The following TXK variants were observed in gnomAD, a reference collection of about 807,000 sequenced individuals.
TXK encodes tyrosine-protein kinase TXK.
TXK carries 60 observed loss-of-function variants against 81.0 expected under a neutral mutation model. The observed-to-expected ratio is 0.74, with a 90% confidence interval of 0.60 to 0.92. TXK has a LOEUF of 0.92. Ranked by LOEUF, TXK falls within the 40% of genes least tolerant of loss-of-function variation. TXK has a pLI of 0.00. For missense variants in TXK, 581 were observed against 638.3 expected, an observed-to-expected ratio of 0.91 and a Z score of 0.97; for synonymous variants, 203 against 210.7, an observed-to-expected ratio of 0.96 and a Z score of 0.32.
Position 48,080,147 on chromosome 4 carries a change from C to G in TXK, c.957-19G>C. On this transcript the variant is annotated intron_variant, in intron 10 of 14. Coordinates refer to ENST00000264316, the MANE Select transcript of TXK (RefSeq NM_003328.3). ...TAATTTCCTGGTGAAGAAAAACATA[C>G]ACCAGTGAGCAGAATTGTGTTTGCA... is the stretch of plus-strand genomic sequence containing the variant. 1 of 1,570,218 alleles carries G rather than the reference C, an allele frequency of 6.4e-7. No homozygotes were observed. Among genetic ancestry groups the G allele is most frequent in the Non-Finnish European group, 8.8e-7 (1 of 1,140,198 alleles).
At chr4:48,127,084 T>G (rs1719108020) in intron 1 of TXK, among the ~76,000 whole-genome samples, 1 of 152,318 alleles carries the variant, frequency 6.6e-6, no homozygotes, top group Non-Finnish European at 1.5e-5. Context: ...TTTATTTAAT[T>G]TCCCTCAAAG....
intron 1 of TXK, among the ~76,000 whole-genome samples, chr4:48,129,386 A>C (rs1719181567): frequency 6.6e-6 from 1 of 152,138 alleles, no homozygotes; most frequent in South Asian, 2.1e-4. Flanking sequence ...AGAAGGGAGG[A>C]TAACTACTTT....
intron 1 of TXK, among the ~76,000 whole-genome samples, chr4:48,125,041 T>C (rs1397285044): frequency 1.3e-5 from 2 of 152,222 alleles, no homozygotes; most frequent in Non-Finnish European, 2.9e-5. Context: ...ATGCCAGGCA[T>C]GACAGATACT....
At chr4:48,090,970 G>A (rs1003742917) in intron 8 of TXK, among the ~76,000 whole-genome samples, 1 of 152,198 alleles carries the variant, frequency 6.6e-6, no homozygotes, top group Non-Finnish European at 1.5e-5. Flanking sequence ...CACATATTAA[G>A]TGCCTATTGT....
rs1206527163 is a variant in TXK, at chr4:48,067,677, T to C, written c.1544A>G (p.Glu515Gly). ...EKPEGRPTFA[E>G]LLRAVTEIAE... ...AATCTCTGTGACAGCCCGCAGCAGC[T>C]CGGCAAATGTAGGGCGGCCTTCAGG... Residue 515 changes from glutamate (E) to glycine (G), a missense_variant, in exon 15 of 15, where the codon GAG becomes GGG. Coordinates refer to ENST00000264316, the MANE Select transcript of TXK (RefSeq NM_003328.3). 1 of 1,614,102 alleles carries C rather than the reference T, an allele frequency of 6.2e-7. No individual in the cohort carries two copies.
At chr4:48,111,114 G>A (rs1446405734) in intron 4 of TXK, among the ~76,000 whole-genome samples, 1 of 152,164 alleles carries the variant, frequency 6.6e-6, no homozygotes, top group Non-Finnish European at 1.5e-5. Context: ...ACATCTTTCA[G>A]GATATGCAAC....
chr4:48,091,659 C>T (rs1193799396), intron 8 of TXK, among the ~76,000 whole-genome samples: 2 of 152,154 alleles, frequency 1.3e-5, no homozygotes, highest in Non-Finnish European at 2.9e-5. Flanking sequence ...GCATGCGCCA[C>T]CATGACTGGA....
At chr4:48,080,311 CAA>C (rs1426870409) in intron 10 of TXK, 183 bp from the exon 11 acceptor site, 1 of 601,266 alleles carries the variant, frequency 1.7e-6, no homozygotes, top group Non-Finnish European at 3.0e-6. Context: ...AATGTGGGGT[CAA>C]GAGTTTAAGT....
rs1718744228 is a variant in TXK at position 48,114,660 on chromosome 4, A to G, written c.17-258T>C. ...TTCCTCAGTCTGTGAGTGATAAATGACCAGTGTATTCTCTTTTACCTTTGT... is the reference window on the plus strand; with the variant it reads ...TTCCTCAGTCTGTGAGTGATAAATGGCCAGTGTATTCTCTTTTACCTTTGT... On this transcript the variant is annotated intron_variant, in intron 1 of 14. Coordinates refer to ENST00000264316, the MANE Select transcript of TXK (RefSeq NM_003328.3). 6.3e-6 allele frequency: 3 copies of G among 474,652 alleles called. No homozygotes were observed. The South Asian group carries it at 8.2e-5, about 13-fold the overall frequency. 29.4% of individuals were successfully genotyped at this position (474,652 alleles called of 1,614,324 possible). A position where few individuals can be genotyped will look rare whatever the true frequency, so the allele number is the denominator to read the frequency against.
At chr4:48,112,671 A>C (rs1329144189) in intron 3 of TXK, among the ~76,000 whole-genome samples, 159 bp from the exon 4 acceptor site, 1 of 152,206 alleles carries the variant, frequency 6.6e-6, no homozygotes, top group African/African-American at 2.4e-5. Context: ...ACTAACTATA[A>C]AACTCCTTTA....
At chr4:48,091,113 A>C (rs1242547374) in intron 8 of TXK, among the ~76,000 whole-genome samples, 2 of 152,230 alleles carry the variant, frequency 1.3e-5, no homozygotes. Flanking sequence ...TCTAATGTGA[A>C]AGGAATAAGT....
At chr4:48,083,026 A>C (rs1469192229) in intron 10 of TXK, among the ~76,000 whole-genome samples, 1 of 152,252 alleles carries the variant, frequency 6.6e-6, no homozygotes, top group African/African-American at 2.4e-5. Context: ...CAAGAGCTTG[A>C]GATACAGAAA....
chr4:48,071,176 A>G (rs1242180697), intron 14 of TXK, among the ~76,000 whole-genome samples: 1 of 152,162 alleles, frequency 6.6e-6, no homozygotes, highest in African/African-American at 2.4e-5. Flanking sequence ...CTGAGATTAC[A>G]GGCATGAGTC....
intron 14 of TXK, among the ~76,000 whole-genome samples, 190 bp downstream of exon 14, chr4:48,071,327 T>C (rs1716844449): frequency 6.6e-6 from 1 of 152,174 alleles, no homozygotes; most frequent in Non-Finnish European, 1.5e-5. Context: ...TAAAAGGCCA[T>C]TGTTCAAAAC....
Position 48,080,069 on chromosome 4 carries a change from A to AG in TXK, c.1015dup (p.Leu339ProfsTer15), listed in dbSNP as rs1560342096. 4.3e-6 allele frequency: 7 copies of AG among 1,614,090 alleles called. No individual in the cohort carries two copies. Among genetic ancestry groups the AG allele is most frequent in the Non-Finnish European group, 5.9e-6 (7 of 1,180,002 alleles). ...TTCCATGAACTCTGTCACAATGTAAAGGGGCTTCCGCTGTATACAGACTCC... is the reference window on the plus strand; with the variant it reads ...TTCCATGAACTCTGTCACAATGTAAAGGGGGCTTCCGCTGTATACAGACTCC... On this transcript the variant is annotated frameshift_variant, in exon 11 of 15. Transcript: ENST00000264316. LOFTEE classifies it high-confidence loss of function.
intron 5 of TXK, chr4:48,109,207 T>A (rs1191866509): frequency 6.6e-6 from 1 of 151,780 alleles, no homozygotes; most frequent in East Asian, 1.9e-4. Flanking sequence ...GTCCTTTTTT[T>A]ATAGAGATAG....
At chr4:48,092,547 T>C (rs1717819421) in intron 8 of TXK, among the ~76,000 whole-genome samples, 1 of 96,506 alleles carries the variant, frequency 1.0e-5, no homozygotes, top group South Asian at 2.7e-4. Flanking sequence ...GTGGAGACAA[T>C]GGATGTGGAC....
chr4:48,076,592 A>G (rs751523651), intron 11 of TXK, 126 bp from the exon 12 acceptor site: 39 of 701,284 alleles, frequency 5.6e-5, no homozygotes, highest in Non-Finnish European at 8.3e-5. Flanking sequence ...AGTCATTTTT[A>G]TGGTGATATC....
chr4:48,128,066 G>A (rs1277961791), intron 1 of TXK, among the ~76,000 whole-genome samples: 1 of 152,184 alleles, frequency 6.6e-6, no homozygotes, highest in African/African-American at 2.4e-5. Context: ...CCCGGGCTGC[G>A]CGGGAAGCAA....
Sources: allele counts gnomAD v4.1 joint callset (sites outside exome capture counted in the v4.1 genomes callset), GRCh38; gene constraint gnomAD v4.1.1; transcripts MANE v1.5; gene names NCBI Gene and HGNC (gene_info 2026-07-23, HGNC 2026-07-21).